KCNIP4: variants seen among roughly 807,000 people sequenced by gnomAD.
KCNIP4 encodes the protein potassium voltage-gated channel interacting protein 4.
In KCNIP4, 12 loss-of-function variants were observed where a neutral mutation model predicts 34.0. That is an observed-to-expected ratio of 0.35 (90% confidence interval 0.23 to 0.57). The LOEUF is 0.57. Ranked by LOEUF, KCNIP4 falls within the 20% of genes least tolerant of loss-of-function variation. The pLI, the probability that KCNIP4 is intolerant of heterozygous loss-of-function variation, is 0.83. For synonymous variants in KCNIP4, 124 were observed against 102.2 expected, an observed-to-expected ratio of 1.21 and a Z score of -1.29; for missense variants, 238 against 311.7, an observed-to-expected ratio of 0.76 and a Z score of 1.78.
At chr4:20,733,265 T>A (rs560335995) in intron 6 of KCNIP4, among the ~76,000 whole-genome samples, 4 of 152,228 alleles carry the variant, frequency 2.6e-5, no homozygotes, top group African/African-American at 9.6e-5. Context: ...GTATTTTTCC[T>A]ACTGTGGCTT....
At chr4:21,825,286 A>T (rs939939728) in intron 1 of KCNIP4, among the ~76,000 whole-genome samples, 2 of 152,076 alleles carry the variant, frequency 1.3e-5, no homozygotes, top group Non-Finnish European at 2.9e-5. Flanking sequence ...GAAAAAAAAA[A>T]CCTGCAACTG....
intron 1 of KCNIP4, among the ~76,000 whole-genome samples, chr4:21,931,121 A>G (rs1356335807): frequency 6.6e-6 from 1 of 152,126 alleles, no homozygotes; most frequent in Admixed American, 6.5e-5. Flanking sequence ...TTACTGTGGT[A>G]GCTTTTGCAT....
chr4:21,405,129 A>C (rs1054725523), intron 1 of KCNIP4, among the ~76,000 whole-genome samples: 3 of 152,120 alleles, frequency 2.0e-5, no homozygotes, highest in African/African-American at 7.2e-5. Context: ...TCAGCAAGAC[A>C]CTTGTTAGGT....
At chr4:20,949,382 G>A (rs1732531308) in intron 1 of KCNIP4, among the ~76,000 whole-genome samples, 1 of 152,296 alleles carries the variant, frequency 6.6e-6, no homozygotes, top group African/African-American at 2.4e-5. Context: ...CTGCCTACAA[G>A]CTACATTAAT....
intron 1 of KCNIP4, among the ~76,000 whole-genome samples, chr4:21,007,385 C>A (rs1738663294): frequency 6.6e-6 from 1 of 152,098 alleles, no homozygotes; most frequent in South Asian, 2.1e-4. Context: ...TAGAAAAACT[C>A]ATTTTTTAAA....
chr4:21,383,055 C>A (rs1226283569), intron 1 of KCNIP4, among the ~76,000 whole-genome samples: 3 of 152,086 alleles, frequency 2.0e-5, no homozygotes, highest in Non-Finnish European at 4.4e-5. Flanking sequence ...TGCCTATTGT[C>A]AGAAGAAGAA....
intron 3 of KCNIP4, among the ~76,000 whole-genome samples, chr4:20,846,736 T>G (rs1158356269): frequency 6.6e-6 from 1 of 152,178 alleles, no homozygotes; most frequent in Non-Finnish European, 1.5e-5. Flanking sequence ...CATTGGTATT[T>G]GTCATGATAG....
At chr4:21,356,169 C>G (rs1325151008) in intron 1 of KCNIP4, among the ~76,000 whole-genome samples, 1 of 152,094 alleles carries the variant, frequency 6.6e-6, no homozygotes, top group Non-Finnish European at 1.5e-5. Context: ...TGGAACATAT[C>G]TCAAAATATT....
At chr4:21,492,073 G>C (rs1577455936) in intron 1 of KCNIP4, among the ~76,000 whole-genome samples, 1 of 152,284 alleles carries the variant, frequency 6.6e-6, no homozygotes, top group Non-Finnish European at 1.5e-5. Flanking sequence ...GAGTATCTGA[G>C]AGAAGGTTTG....
chr4:21,375,724 G>A (rs945344419), intron 1 of KCNIP4, among the ~76,000 whole-genome samples: 3 of 151,902 alleles, frequency 2.0e-5, no homozygotes, highest in African/African-American at 7.2e-5. Context: ...CTGCCACCAC[G>A]CCCAGCTAAT....
chr4:20,839,489 C>T (rs886137718), intron 3 of KCNIP4, among the ~76,000 whole-genome samples: 3 of 97,346 alleles, frequency 3.1e-5, no homozygotes, highest in Non-Finnish European at 7.1e-5. Context: ...ATGTATATAT[C>T]TATATTATAT....
At position 21,224,305 on chromosome 4, in the gene KCNIP4, A is replaced by G. The variant is rs188858698; in HGVS notation, c.62-341596T>C. On this transcript the variant is annotated intron_variant, in intron 1 of 8. Transcript: ENST00000382152. ...TGAGGGCCTGCTTCCTGTCTTGTAG[A>G]CAGCCATCTTCTTGCAGAGAGGAAG... 5.8e-4 allele frequency among the ~76,000 whole-genome samples: 89 copies of G among 152,176 alleles called. No homozygotes were observed. In the East Asian group the frequency reaches 0.011, roughly 19 times the overall value.
intron 1 of KCNIP4, among the ~76,000 whole-genome samples, chr4:21,057,964 T>A (rs75845875): frequency 3.3e-5 from 5 of 152,192 alleles, no homozygotes; most frequent in Non-Finnish European, 7.3e-5. Flanking sequence ...AGGCAATGCA[T>A]GCTAGTTAAA....
At chr4:21,335,096 G>A (rs967887234) in intron 1 of KCNIP4, among the ~76,000 whole-genome samples, 1 of 152,020 alleles carries the variant, frequency 6.6e-6, no homozygotes, top group African/African-American at 2.4e-5. Flanking sequence ...GAAGTGGGTA[G>A]AGTTCTAATT....
chr4:20,803,457 A>C, intron 3 of KCNIP4, among the ~76,000 whole-genome samples: 1 of 133,198 alleles, frequency 7.5e-6, no homozygotes, highest in African/African-American at 2.9e-5. Context: ...ACATGGCAAA[A>C]CCTCATCTTT....
At chr4:21,587,524 G>A (rs1002564478) in intron 1 of KCNIP4, among the ~76,000 whole-genome samples, 3 of 146,750 alleles carry the variant, frequency 2.0e-5, no homozygotes, top group Non-Finnish European at 4.5e-5. Flanking sequence ...TTAGAGCTTG[G>A]GAAATGTGCT....
At chr4:20,836,385 A>C (rs1279456440) in intron 3 of KCNIP4, among the ~76,000 whole-genome samples, 3 of 151,958 alleles carry the variant, frequency 2.0e-5, no homozygotes, top group Admixed American at 2.0e-4. Flanking sequence ...CCATTAAAAA[A>C]CCCTCAACTT....
intron 1 of KCNIP4, among the ~76,000 whole-genome samples, chr4:21,341,953 G>C (rs1183910692): frequency 6.6e-6 from 1 of 152,132 alleles, no homozygotes; most frequent in Non-Finnish European, 1.5e-5. Flanking sequence ...TCAACAAGGT[G>C]CTATTTGGTA....
intron 1 of KCNIP4, among the ~76,000 whole-genome samples, chr4:21,384,782 C>A (rs1048108607): frequency 6.6e-6 from 1 of 152,204 alleles, no homozygotes; most frequent in African/African-American, 2.4e-5. Context: ...CTGGCCACAT[C>A]TACATCACAT....
Sources: allele counts gnomAD v4.1 joint callset (sites outside exome capture counted in the v4.1 genomes callset), GRCh38; gene constraint gnomAD v4.1.1; transcripts MANE v1.5; gene names NCBI Gene and HGNC (gene_info 2026-07-23, HGNC 2026-07-21).